SLC24A2: variants seen among roughly 807,000 people sequenced by gnomAD.
SLC24A2 encodes the protein sodium/potassium/calcium exchanger 2.
A neutral mutation model predicts 62.0 loss-of-function variants in SLC24A2; 36 were observed. The observed-to-expected ratio is 0.58, with a 90% CI of 0.44 to 0.77. The LOEUF is 0.77. Among genes scored for constraint, SLC24A2 ranks in the 30% least tolerant of loss-of-function variants. The probability of loss-of-function intolerance (pLI) is 0.00; values close to 1 mark genes in which losing one functional copy is unlikely to be tolerated. For synonymous variants in SLC24A2, 358 were observed against 294.0 expected (o/e 1.22, Z -2.23); for missense variants, 846 against 817.9 (o/e 1.03, Z -0.42).
the SLC24A2 span, among the ~76,000 whole-genome samples, chr9:20,263,994 G>A: frequency 1.3e-5 from 2 of 151,952 alleles, no homozygotes; most frequent in African/African-American, 4.8e-5. Context: ...CCTCTGAGCT[G>A]GCCCACGTAT....
At chr9:20,259,894 G>A in the SLC24A2 span, among the ~76,000 whole-genome samples, 2 of 152,120 alleles carry the variant, frequency 1.3e-5, no homozygotes, top group Non-Finnish European at 2.9e-5. Context: ...TTTGAGACCA[G>A]CCTGGGCAAC....
At chr9:19,861,508 C>A in the SLC24A2 span, among the ~76,000 whole-genome samples, 8 of 152,006 alleles carry the variant, frequency 5.3e-5, no homozygotes, top group Admixed American at 2.6e-4. Flanking sequence ...CAATAAATAC[C>A]TAACACTTCA....
intron 2 of SLC24A2, among the ~76,000 whole-genome samples, chr9:19,646,799 T>C (rs1264590905): frequency 2.0e-5 from 3 of 152,228 alleles, no homozygotes; most frequent in Non-Finnish European, 4.4e-5. Flanking sequence ...TTTTCCCAGG[T>C]ATGTATTTCC....
At chr9:20,139,510 C>T in the SLC24A2 span, among the ~76,000 whole-genome samples, 2 of 152,234 alleles carry the variant, frequency 1.3e-5, no homozygotes, top group South Asian at 4.1e-4. Flanking sequence ...GGCCAGCACA[C>T]ACTGTACAGA....
At chr9:20,116,173 G>A in the SLC24A2 span, among the ~76,000 whole-genome samples, 1 of 152,090 alleles carries the variant, frequency 6.6e-6, no homozygotes, top group Non-Finnish European at 1.5e-5. Flanking sequence ...TCCTAATTCA[G>A]GAGCCCAGCA....
the SLC24A2 span, among the ~76,000 whole-genome samples, chr9:20,258,804 C>CTATCTATCT: frequency 0.029 from 3,623 of 124,318 alleles, 164 homozygotes; most frequent in African/African-American, 0.091. Context: ...ATCTATCTAT[C>CTATCTATCT]TATCTATCTA....
At chr9:20,108,998 C>T in the SLC24A2 span, among the ~76,000 whole-genome samples, 14 of 152,062 alleles carry the variant, frequency 9.2e-5, no homozygotes, top group African/African-American at 3.4e-4. Context: ...GTACCTTTTC[C>T]ATGTTTAGAT....
intron 7 of SLC24A2, among the ~76,000 whole-genome samples, chr9:19,561,272 C>G (rs568854765): frequency 4.2e-4 from 64 of 151,768 alleles, no homozygotes; most frequent in African/African-American, 1.5e-3. Flanking sequence ...CTACTCTGTT[C>G]TTATCCTCTA....
the SLC24A2 span, among the ~76,000 whole-genome samples, chr9:19,981,383 T>C: frequency 8.5e-5 from 13 of 152,266 alleles, no homozygotes; most frequent in South Asian, 2.7e-3. Context: ...GAACTCTCTA[T>C]AGTATTTAAT....
In SLC24A2 at chr9:19,778,410, T is replaced by C. The variant is rs554082888; in HGVS notation, c.930+7527A>G. ...GGGAAGGGAGTTCAGAGAACTTCTCTATCTGTAAGCTGAGACTCCTGAAGG... is the reference window on the plus strand; with the variant it reads ...GGGAAGGGAGTTCAGAGAACTTCTCCATCTGTAAGCTGAGACTCCTGAAGG... On this transcript the variant is annotated intron_variant, in intron 2 of 10. Transcript: ENST00000341998. Among the ~76,000 whole-genome samples, 17 of 152,216 alleles carry C rather than the reference T, an allele frequency of 1.1e-4. No homozygotes were observed. In the East Asian group the frequency reaches 3.3e-3, roughly 29 times the overall value.
the SLC24A2 span, among the ~76,000 whole-genome samples, chr9:19,981,171 T>C: frequency 6.6e-6 from 1 of 152,200 alleles, no homozygotes; most frequent in African/African-American, 2.4e-5. Flanking sequence ...CTTTAAAAGC[T>C]TTAGAAAAAT....
At chr9:19,526,620 C>G (rs907516128) in intron 9 of SLC24A2, among the ~76,000 whole-genome samples, 2 of 152,206 alleles carry the variant, frequency 1.3e-5, no homozygotes, top group East Asian at 3.9e-4. Flanking sequence ...AGCATATTTT[C>G]TTGTGCTTTT....
chr9:19,584,847 G>A (rs1405939165), intron 5 of SLC24A2, among the ~76,000 whole-genome samples: 1 of 152,018 alleles, frequency 6.6e-6, no homozygotes, highest in Non-Finnish European at 1.5e-5. Flanking sequence ...TGTGAAGCAT[G>A]ATGCAAACTA....
At chr9:20,268,038 C>G in the SLC24A2 span, among the ~76,000 whole-genome samples, 1 of 152,158 alleles carries the variant, frequency 6.6e-6, no homozygotes, top group Non-Finnish European at 1.5e-5. Flanking sequence ...GCCACGTTAT[C>G]TGCTATTTAG....
the SLC24A2 span, among the ~76,000 whole-genome samples, chr9:19,873,068 C>G: frequency 6.6e-6 from 1 of 152,152 alleles, no homozygotes; most frequent in Non-Finnish European, 1.5e-5. Flanking sequence ...TTGTTTGTCC[C>G]TCTGTGTTTG....
At chr9:20,130,329 T>C in the SLC24A2 span, among the ~76,000 whole-genome samples, 189 of 151,282 alleles carry the variant, frequency 1.2e-3, no homozygotes, top group Non-Finnish European at 1.9e-3. Context: ...CTCGGTGTTA[T>C]GAAAAAAATA....
At chr9:19,824,123 A>C in the SLC24A2 span, among the ~76,000 whole-genome samples, 2 of 152,228 alleles carry the variant, frequency 1.3e-5, no homozygotes, top group Non-Finnish European at 2.9e-5. Flanking sequence ...CAAGGACTTC[A>C]TGTCTAAAAC....
chr9:19,622,508 T>C (rs1435533541), intron 2 of SLC24A2, among the ~76,000 whole-genome samples: 2 of 152,134 alleles, frequency 1.3e-5, no homozygotes, highest in African/African-American at 4.8e-5. Context: ...TTCATTCTCC[T>C]GAAAGGTCAA....
the SLC24A2 span, among the ~76,000 whole-genome samples, chr9:20,043,929 A>G: frequency 6.6e-6 from 1 of 152,216 alleles, no homozygotes. Flanking sequence ...TGCTACAGAA[A>G]AAAATCTTTC....
Sources: allele counts gnomAD v4.1 joint callset (sites outside exome capture counted in the v4.1 genomes callset), GRCh38; gene constraint gnomAD v4.1.1; transcripts MANE v1.5; gene names NCBI Gene and HGNC (gene_info 2026-07-23, HGNC 2026-07-21).